ZNF385B: variants seen among roughly 807,000 people sequenced by gnomAD.
ZNF385B encodes the protein zinc finger protein 533.
A neutral mutation model predicts 39.2 loss-of-function variants in ZNF385B; 23 were observed. The observed-to-expected ratio is 0.59, with a 90% confidence interval of 0.42 to 0.83. The LOEUF (loss-of-function observed/expected upper bound fraction) is 0.83, where lower values mean the gene tolerates loss of function less well. Among genes scored for constraint, ZNF385B ranks in the 40% least tolerant of loss-of-function variants. The pLI, the probability that ZNF385B is intolerant of heterozygous loss-of-function variation, is 0.00. For missense variants in ZNF385B, 552 were observed against 598.9 expected (o/e 0.92, Z 0.82); for synonymous variants, 205 against 222.6 (o/e 0.92, Z 0.70).
chr2:179,760,223 C>CGTGTGTGTGTGT (rs1553525685), intron 3 of ZNF385B, among the ~76,000 whole-genome samples: 2 of 144,476 alleles, frequency 1.4e-5, no homozygotes, highest in Non-Finnish European at 3.0e-5. Context: ...TTCCTGTGTG[C>CGTGTGTGTGTGT]GTGTGTGTGT....
intron 3 of ZNF385B, among the ~76,000 whole-genome samples, chr2:179,591,149 C>A (rs951228154): frequency 6.6e-6 from 1 of 151,458 alleles, no homozygotes; most frequent in Non-Finnish European, 1.5e-5. Context: ...TAGAAAGTTT[C>A]TTTGTAATAA....
chr2:179,620,986 G>A (rs1690161236), intron 3 of ZNF385B, among the ~76,000 whole-genome samples: 1 of 152,072 alleles, frequency 6.6e-6, no homozygotes. Flanking sequence ...AGTGTCTTAG[G>A]CAAAGGAGAT....
chr2:179,678,876 T>C (rs1044123086), intron 3 of ZNF385B, among the ~76,000 whole-genome samples: 1 of 152,208 alleles, frequency 6.6e-6, no homozygotes, highest in Non-Finnish European at 1.5e-5. Context: ...GAACTAAGAT[T>C]TGCTATCCAC....
chr2:179,691,182 A>C (rs1698326361), intron 3 of ZNF385B, among the ~76,000 whole-genome samples: 1 of 152,210 alleles, frequency 6.6e-6, no homozygotes, highest in Non-Finnish European at 1.5e-5. Flanking sequence ...TTAAAGTCCT[A>C]AGAATTAATC....
rs1686497255 is a variant in ZNF385B at position 179,581,368 on chromosome 2, AT to A, written c.299-36400del. On this transcript the variant is annotated intron_variant, in intron 3 of 9. Transcript: ENST00000410066. ...GTTAAAAAAATTACTTCTGCAGCTTATTTTCCTCAGGCTGAATAGAAGATCT... is the reference window on the plus strand; with the variant it reads ...GTTAAAAAAATTACTTCTGCAGCTTATTTCCTCAGGCTGAATAGAAGATCT... Among the ~76,000 whole-genome samples, 5 of 152,276 alleles carry A rather than the reference AT, an allele frequency of 3.3e-5. No individual in the cohort carries two copies. The South Asian group carries it at 1.0e-3, about 32-fold the overall frequency.
At chr2:179,526,550 G>A (rs561786780) in intron 4 of ZNF385B, among the ~76,000 whole-genome samples, 2 of 152,030 alleles carry the variant, frequency 1.3e-5, no homozygotes, top group African/African-American at 2.4e-5. Context: ...AGCCAAGATT[G>A]CACCATTGCA....
chr2:179,860,200 A>G (rs1451334979), intron 1 of ZNF385B, among the ~76,000 whole-genome samples: 1 of 152,210 alleles, frequency 6.6e-6, no homozygotes, highest in Non-Finnish European at 1.5e-5. Flanking sequence ...TATGAAAATG[A>G]AAGAAGACGT....
chr2:179,612,957 C>A (rs1689415810), intron 3 of ZNF385B, among the ~76,000 whole-genome samples: 1 of 152,202 alleles, frequency 6.6e-6, no homozygotes, highest in Non-Finnish European at 1.5e-5. Flanking sequence ...AGAAAAAAAT[C>A]TTTCCCATTC....
At chr2:179,685,388 C>T (rs12373725) in intron 3 of ZNF385B, among the ~76,000 whole-genome samples, 62,439 of 152,036 alleles carry the variant, frequency 0.41, 12,995 homozygotes, top group Admixed American at 0.47. Context: ...CTTCAGCCTC[C>T]ACATTTGACT....
At chr2:179,453,019 T>C (rs186334980) in intron 6 of ZNF385B, among the ~76,000 whole-genome samples, 67 of 152,272 alleles carry the variant, frequency 4.4e-4, no homozygotes, top group Non-Finnish European at 7.6e-4. Context: ...TACACTATTT[T>C]TTACATAATA....
intron 5 of ZNF385B, among the ~76,000 whole-genome samples, chr2:179,500,763 A>C (rs2056679355): frequency 6.6e-6 from 1 of 152,122 alleles, no homozygotes; most frequent in Non-Finnish European, 1.5e-5. Flanking sequence ...ACATCAAGTT[A>C]AGCTTCTGCA....
At chr2:179,547,737 T>C (rs1367443898) in intron 3 of ZNF385B, among the ~76,000 whole-genome samples, 1 of 149,666 alleles carries the variant, frequency 6.7e-6, no homozygotes, top group Non-Finnish European at 1.5e-5. Flanking sequence ...GGATAGTCTG[T>C]TCTATGTCTG....
intron 3 of ZNF385B, among the ~76,000 whole-genome samples, chr2:179,638,538 A>C (rs1365274813): frequency 6.6e-6 from 1 of 152,174 alleles, no homozygotes; most frequent in Non-Finnish European, 1.5e-5. Context: ...AAATGCAAAT[A>C]TGAAATGTAG....
chr2:179,517,705 T>C (rs886645881), intron 5 of ZNF385B, among the ~76,000 whole-genome samples: 16 of 152,136 alleles, frequency 1.1e-4, no homozygotes, highest in African/African-American at 3.9e-4. Context: ...AGCCTTCGGA[T>C]TCTGATTTAC....
At chr2:179,543,788 A>G (rs890316180) in intron 4 of ZNF385B, among the ~76,000 whole-genome samples, 6 of 151,988 alleles carry the variant, frequency 3.9e-5, no homozygotes, top group Non-Finnish European at 8.8e-5. Flanking sequence ...CCTACCCCCT[A>G]ATTACCTTCC....
intron 3 of ZNF385B, among the ~76,000 whole-genome samples, chr2:179,755,363 A>G (rs1289533119): frequency 6.6e-6 from 1 of 151,464 alleles, no homozygotes; most frequent in African/African-American, 2.4e-5. Flanking sequence ...TATGTGGTCA[A>G]TTTTGGAATA....
chr2:179,636,459 C>T (rs1305251786), intron 3 of ZNF385B, among the ~76,000 whole-genome samples: 1 of 152,152 alleles, frequency 6.6e-6, no homozygotes, highest in Non-Finnish European at 1.5e-5. Flanking sequence ...CAATACCACC[C>T]AACATGAGGA....
intron 3 of ZNF385B, among the ~76,000 whole-genome samples, chr2:179,715,237 C>T (rs1172416842): frequency 6.6e-6 from 1 of 152,144 alleles, no homozygotes; most frequent in African/African-American, 2.4e-5. Flanking sequence ...CTTGAACCCT[C>T]CCCCAAACTG....
intron 1 of ZNF385B, among the ~76,000 whole-genome samples, chr2:179,803,803 T>C (rs113763409): frequency 1.1e-4 from 17 of 152,192 alleles, no homozygotes; most frequent in African/African-American, 4.1e-4. Flanking sequence ...TAACAGAGCA[T>C]CTGCTAAGAA....
Sources: gnomAD v4.1 joint callset for allele counts (sites outside exome capture counted in the v4.1 genomes callset) on GRCh38, gnomAD v4.1.1 for gene constraint, MANE v1.5 for transcripts, NCBI Gene and HGNC (gene_info 2026-07-23, HGNC 2026-07-21) for gene names.